The following TACC3 variants were observed in gnomAD, a reference collection of about 807,000 sequenced individuals.
The protein encoded by TACC3 is transforming acidic coiled-coil containing protein 3, also known as transforming acidic coiled-coil-containing protein 3.
TACC3 carries 52 observed loss-of-function variants against 86.0 expected under a neutral mutation model. That is an observed-to-expected ratio of 0.60 (90% CI 0.48 to 0.76). The LOEUF is 0.76. Ranked by LOEUF, TACC3 falls within the 30% of genes least tolerant of loss-of-function variation. TACC3 has a pLI of 0.00. For synonymous variants in TACC3, 512 were observed against 430.0 expected, an observed-to-expected ratio of 1.19 and a Z score of -2.36; for missense variants, 1,120 against 1,070.4, an observed-to-expected ratio of 1.05 and a Z score of -0.65.
Position 1,735,978 on chromosome 4 carries a change from G to GCTCT in TACC3, c.1748+144_1748+145insCTCT. 1.5e-6 allele frequency: 1 copy of GCTCT among 647,794 alleles called. No individual in the cohort carries two copies. The highest frequency in any genetic ancestry group is 2.6e-6 in the Non-Finnish European group (1 of 383,728). The allele number at this position is 647,794 out of a possible 1,614,324, so 40.1% of individuals were successfully genotyped here. ...AAAGGAGCTGTGCTAGGGGTGGGCTGGGCAGCAAGGCCAGAGCAGCCCTTG... is the reference window on the plus strand; with the variant it reads ...AAAGGAGCTGTGCTAGGGGTGGGCTGCTCTGGCAGCAAGGCCAGAGCAGCCCTTG... On this transcript the variant is annotated intron_variant, in intron 8 of 15. Coordinates refer to ENST00000313288, the MANE Select transcript of TACC3 (RefSeq NM_006342.3). This position sits in a 1 kb window ranked among gnomAD's most constrained non-coding sequence, Gnocchi z 4.2.
At position 1,728,011 on chromosome 4, in the gene TACC3, A is replaced by G. The variant is rs1218717340; in HGVS notation, c.609A>G (p.Glu203=). ...TGACACCCGCCTCTGAGACCCTAGA[A>G]GACCCTTGCAGGACAGAGTCCCAGC... ...RRVTPASETL[E]DPCRTESQHK... The change falls in exon 4 of 16, where the codon GAA becomes GAG. Residue 203 remains glutamate (E), a synonymous_variant. Coordinates refer to ENST00000313288, the MANE Select transcript of TACC3 (RefSeq NM_006342.3). 4.3e-6 allele frequency: 7 copies of G among 1,613,110 alleles called. No homozygotes were observed. The highest frequency in any genetic ancestry group is 5.1e-6 in the Non-Finnish European group (6 of 1,180,032).
chr4:1,744,980 C>T lies in TACC3; in HGVS notation c.2484C>T (p.Cys828=), dbSNP rs755836867. 9.9e-6 allele frequency: 16 copies of T among 1,611,034 alleles called. No homozygotes were observed. Among genetic ancestry groups the T allele is most frequent in the South Asian group, 7.7e-5 (7 of 90,484 alleles). The change falls in exon 16 of 16, where the codon TGC becomes TGT. Residue 828 remains cysteine (C), a synonymous_variant. Transcript: ENST00000313288. Reference sequence around the variant, plus strand: ...AGAACGAGGAGCTGACCAGGATCTGCGACGACCTCATCTCCAAGATGGAGA... The same window carrying T: ...AGAACGAGGAGCTGACCAGGATCTGTGACGACCTCATCTCCAAGATGGAGA... ...TKENEELTRI[C]DDLISKMEKI
Position 1,744,852 on chromosome 4 carries a change from C to T in TACC3, c.2451+20C>T. ...CAGAAGGTGGGTGCGGGAAGCCCAG[C>T]TCAAGGGGCCGTCTGGCAGCACCTT... is the stretch of plus-strand genomic sequence containing the variant. On this transcript the variant is annotated intron_variant, in intron 15 of 15. Coordinates refer to ENST00000313288, the MANE Select transcript of TACC3 (RefSeq NM_006342.3). 6.2e-7 allele frequency: 1 copy of T among 1,612,928 alleles called. No individual in the cohort carries two copies. The highest frequency in any genetic ancestry group is 8.5e-7 in the Non-Finnish European group (1 of 1,179,990).
At position 1,740,092 on chromosome 4, in the gene TACC3, C is replaced by T. The variant is rs969531849; in HGVS notation, c.2062+90C>T. The T allele has an allele frequency of 5.9e-6, 8 of 1,354,820 alleles. No individual in the cohort carries two copies. The African/African-American group carries it at 7.2e-5, about 12-fold the overall frequency. The allele number at this position is 1,354,820 out of a possible 1,614,324, so 83.9% of individuals were successfully genotyped here. A position where few individuals can be genotyped will look rare whatever the true frequency, so the allele number is the denominator to read the frequency against. On this transcript the variant is annotated intron_variant, in intron 12 of 15. Transcript: ENST00000313288. ...CTGCCCTGCACCCTGCCTAGGACCC[C>T]ACCCTCCTGAGGCCCCTTTTCCTAA...
chr4:1,740,703 T>A, intron 12 of TACC3, 123 bp from the exon 13 acceptor site: 1 of 821,216 alleles, frequency 1.2e-6, no homozygotes, highest in East Asian at 2.5e-5. Flanking sequence ...CCTCCGAGGC[T>A]CACACCCACT....
At chr4:1,741,056 A>C in intron 13 of TACC3, 70 bp downstream of exon 13, 9 of 1,467,830 alleles carry the variant, frequency 6.1e-6, no homozygotes, top group Non-Finnish European at 8.2e-6. Flanking sequence ...CAGCGGGGCT[A>C]CAAGCTGCTG....
At position 1,728,051 on chromosome 4, in the gene TACC3, C is replaced by A. The variant is rs1278969377; in HGVS notation, c.649C>A (p.Pro217Thr). The change falls in exon 4 of 16, where the codon CCG becomes ACG. Residue 217 changes from proline (P) to threonine (T), a missense_variant. By Grantham distance (38) the Pro-to-Thr change is conservative. Coordinates refer to ENST00000313288, the MANE Select transcript of TACC3 (RefSeq NM_006342.3). ...RTESQHKAET[P>T]HGAEEECKAE... ...AGAGTCCCAGCACAAAGCGGAGACT[C>A]CGCACGGAGCCGAGGAAGAATGCAA... 13 of 1,542,426 alleles carry A rather than the reference C, an allele frequency of 8.4e-6. No individual in the cohort carries two copies. The highest frequency in any genetic ancestry group is 1.1e-5 in the Non-Finnish European group (13 of 1,141,602).
chr4:1,727,031 T>A (rs1360491989), intron 3 of TACC3, among the ~76,000 whole-genome samples: 1 of 151,762 alleles, frequency 6.6e-6, no homozygotes, highest in Non-Finnish European at 1.5e-5. Flanking sequence ...CTTGGGAGGC[T>A]GAGGCAGGAG....
At chr4:1,739,575 A>C (rs1718463315) in intron 10 of TACC3, 127 bp from the exon 11 acceptor site, 1 of 859,346 alleles carries the variant, frequency 1.2e-6, no homozygotes. Context: ...TGGAAGCCCC[A>C]CATGGAACTG....
intron 13 of TACC3, 121 bp downstream of exon 13, chr4:1,741,107 G>A (rs112784739): frequency 1.1e-4 from 103 of 960,106 alleles, no homozygotes; most frequent in Middle Eastern, 6.8e-4. Context: ...CCCTTGCCAC[G>A]GGGGCATGGG....
intron 13 of TACC3, 100 bp from the exon 14 acceptor site, chr4:1,744,418 C>A: frequency 1.8e-6 from 2 of 1,112,512 alleles, no homozygotes; most frequent in East Asian, 2.4e-5. Context: ...ACGGCTGATG[C>A]CCCAGACAGC....
At chr4:1,733,569 G>A (rs1158772822) in intron 6 of TACC3, among the ~76,000 whole-genome samples, 2 of 152,108 alleles carry the variant, frequency 1.3e-5, no homozygotes, top group Non-Finnish European at 2.9e-5. Flanking sequence ...TGAGATGGGA[G>A]GCTCGCTTGA....
intron 2 of TACC3, 34 bp from the exon 3 acceptor site, chr4:1,723,694 A>G (rs753842653): frequency 6.2e-7 from 1 of 1,613,396 alleles, no homozygotes; most frequent in Non-Finnish European, 8.5e-7. Context: ...GCTTGAACTA[A>G]TGAATAGGTG....
At chr4:1,739,396 C>T (rs1222952438) in intron 10 of TACC3, 2 of 479,168 alleles carry the variant, frequency 4.2e-6, no homozygotes, top group Non-Finnish European at 7.5e-6. Flanking sequence ...CTTAGGACCC[C>T]TAGTATCTGC....
chr4:1,728,222 G>A lies in TACC3; in HGVS notation c.820G>A (p.Gly274Ser), dbSNP rs771397944. The A allele has an allele frequency of 3.1e-6, 5 of 1,612,252 alleles. No homozygotes were observed. Among genetic ancestry groups the A allele is most frequent in the Non-Finnish European group, 4.2e-6 (5 of 1,179,768 alleles). ...GCAGGGTCTGCCTGGCGAAGCCCTGGGCTGCCCTGCGGGTGTGGGCACCCC... is the reference window on the plus strand; with the variant it reads ...GCAGGGTCTGCCTGGCGAAGCCCTGAGCTGCCCTGCGGGTGTGGGCACCCC... Reference protein sequence around the residue: ...PLQGLPGEALGCPAGVGTPVP... With the variant: ...PLQGLPGEALSCPAGVGTPVP... The change falls in exon 4 of 16, where the codon GGC becomes AGC. Residue 274 changes from glycine to serine, a missense_variant. By Grantham distance (56) the Gly-to-Ser change is moderately conservative (BLOSUM62 0). Transcript: ENST00000313288.
rs572961327 is a variant in TACC3 at position 1,730,829 on chromosome 4, G to C, written c.1386-58G>C. 4.5e-5 allele frequency: 70 copies of C among 1,564,026 alleles called. No homozygotes were observed. In the South Asian group the frequency reaches 6.8e-4, roughly 15 times the overall value. ...GCGATGGCAGCTCAGTGCTGGAGCAGGGGACGCCGGGGTTATGGGGTGGGG... is the reference window on the plus strand; with the variant it reads ...GCGATGGCAGCTCAGTGCTGGAGCACGGGACGCCGGGGTTATGGGGTGGGG... On this transcript the variant is annotated intron_variant, in intron 4 of 15. Coordinates refer to ENST00000313288, the MANE Select transcript of TACC3 (RefSeq NM_006342.3).
Position 1,737,698 on chromosome 4 carries a change from C to A in TACC3, c.1937C>A (p.Ala646Glu), listed in dbSNP as rs945665087. Residue 646 changes from alanine (A) to glutamate (E), a missense_variant, in exon 10 of 16, where the codon GCA (alanine) becomes GAA (glutamate). By Grantham distance (107) the Ala-to-Glu change is moderately radical (BLOSUM62 -1). Transcript: ENST00000313288. ...LLQYSQKDLD[A>E]VVKATQEENR... ...CAGTACAGCCAGAAGGACCTGGATG[C>A]AGTGGTAAGGACGCAGGTAGTAGCT... 19 of 1,550,954 alleles carry A rather than the reference C, an allele frequency of 1.2e-5. No individual in the cohort carries two copies. In the Admixed American group the frequency reaches 2.7e-4, roughly 22 times the overall value.
intron 13 of TACC3, among the ~76,000 whole-genome samples, chr4:1,743,196 C>T (rs1718676396): frequency 7.5e-6 from 1 of 133,900 alleles, no homozygotes; most frequent in Non-Finnish European, 1.5e-5. Flanking sequence ...GTGGAGGTTG[C>T]AATGAGCCAA....
chr4:1,731,980 G>C lies in TACC3; in HGVS notation c.1591+679G>C, dbSNP rs193227206. ...TGTGAAGCCTGAACCTTAGACACCA[G>C]ACTGCAGTTAAATACGGTTTGTCCG... is the stretch of plus-strand genomic sequence containing the variant. On this transcript the variant is annotated intron_variant, in intron 6 of 15. Transcript: ENST00000313288. Among the ~76,000 whole-genome samples, 5 of 152,380 alleles carry C rather than the reference G, an allele frequency of 3.3e-5. No individual in the cohort carries two copies. In the East Asian group the frequency reaches 7.7e-4, roughly 23 times the overall value.
Sources: allele counts gnomAD v4.1 joint callset (sites outside exome capture counted in the v4.1 genomes callset), GRCh38; gene constraint gnomAD v4.1.1; non-coding constraint Gnocchi (gnomAD v3.1); transcripts MANE v1.5; gene names NCBI Gene and HGNC (gene_info 2026-07-23, HGNC 2026-07-21).